Variants in STX8 observed in about 807,000 individuals in gnomAD.
STX8 encodes syntaxin 8.
In STX8, 23 loss-of-function variants were observed where a neutral mutation model predicts 37.5. The ratio of observed to expected loss-of-function variants is 0.61; its 90% CI spans 0.44 to 0.87. The LOEUF (loss-of-function observed/expected upper bound fraction) is 0.87, where lower values mean the gene tolerates loss of function less well. Among genes scored for constraint, STX8 ranks in the 40% least tolerant of loss-of-function variants. The probability of loss-of-function intolerance (pLI) is 0.00; values close to 1 mark genes in which losing one functional copy is unlikely to be tolerated. For missense variants in STX8, 313 were observed against 284.7 expected, an observed-to-expected ratio of 1.10 and a Z score of -0.71; for synonymous variants, 115 against 99.1, an observed-to-expected ratio of 1.16 and a Z score of -0.95.
chr17:9,263,641 A>AT (rs1907126370), intron 7 of STX8, among the ~76,000 whole-genome samples: 1 of 152,180 alleles, frequency 6.6e-6, no homozygotes, highest in African/African-American at 2.4e-5. Flanking sequence ...CTTTGAGGTT[A>AT]TTTCAAAATT....
chr17:9,550,863 T>C (rs910919073), intron 3 of STX8, among the ~76,000 whole-genome samples: 3 of 152,144 alleles, frequency 2.0e-5, no homozygotes, highest in African/African-American at 7.2e-5. Flanking sequence ...TCACCTGAGG[T>C]CAGGAGTTTG....
intron 7 of STX8, among the ~76,000 whole-genome samples, chr17:9,268,206 T>G (rs1170766169): frequency 6.6e-6 from 1 of 150,700 alleles, no homozygotes; most frequent in Non-Finnish European, 1.5e-5. Flanking sequence ...GGTCAACTGC[T>G]AACCTTTCAC....
At chr17:9,385,682 C>T (rs8072072) in intron 6 of STX8, among the ~76,000 whole-genome samples, 5,572 of 152,234 alleles carry the variant, frequency 0.037, 343 homozygotes, top group African/African-American at 0.13. Context: ...GAAAATATGG[C>T]ACAAAGGGCG....
At chr17:9,500,014 C>T (rs1597710685) in intron 5 of STX8, among the ~76,000 whole-genome samples, 1 of 152,306 alleles carries the variant, frequency 6.6e-6, no homozygotes. Flanking sequence ...TAAGGTGCTC[C>T]ATTCAGGAAA....
At chr17:9,292,458 A>G (rs1908347649) in intron 7 of STX8, among the ~76,000 whole-genome samples, 1 of 152,196 alleles carries the variant, frequency 6.6e-6, no homozygotes, top group South Asian at 2.1e-4. Flanking sequence ...ACAAAAATAG[A>G]ATCTGTTTAT....
intron 6 of STX8, among the ~76,000 whole-genome samples, chr17:9,450,388 T>C (rs1905002165): frequency 6.6e-6 from 1 of 151,740 alleles, no homozygotes; most frequent in South Asian, 2.1e-4. Context: ...ACATGTAAAT[T>C]TAACTAAATA....
intron 7 of STX8, among the ~76,000 whole-genome samples, chr17:9,349,693 A>G (rs1276718753): frequency 6.6e-6 from 1 of 152,116 alleles, no homozygotes; most frequent in Admixed American, 6.6e-5. Flanking sequence ...TAGAACAATT[A>G]TAACAATATA....
At position 9,562,408 on chromosome 17, in the gene STX8, G is replaced by GAA. The variant is rs112686979; in HGVS notation, c.118-4882_118-4881dup. 1.8e-4 allele frequency among the ~76,000 whole-genome samples: 22 copies of GAA among 125,686 alleles called. No individual in the cohort carries two copies. The East Asian group carries it at 2.2e-3, about 13-fold the overall frequency. 82.5% of individuals were successfully genotyped at this position (125,686 alleles called of 152,430 possible). A position where few individuals can be genotyped will look rare whatever the true frequency, so the allele number is the denominator to read the frequency against. On this transcript the variant is annotated intron_variant, in intron 2 of 7. Transcript: ENST00000306357. Reference sequence around the variant, plus strand: ...GCGACAGAGCGAGACTCCGTCTCAGGAAAAAAAAAAAAAAACTTTCACACG... The same window carrying GAA: ...GCGACAGAGCGAGACTCCGTCTCAGGAAAAAAAAAAAAAAAAACTTTCACACG...
intron 6 of STX8, among the ~76,000 whole-genome samples, chr17:9,480,511 A>G (rs1906283472): frequency 6.6e-6 from 1 of 152,220 alleles, no homozygotes; most frequent in African/African-American, 2.4e-5. Context: ...TTTGCACATC[A>G]ACTTCCGGGA....
At chr17:9,559,739 T>TATATATATATAC (rs200748111) in intron 2 of STX8, among the ~76,000 whole-genome samples, 237 of 13,470 alleles carry the variant, frequency 0.018, 32 homozygotes, top group East Asian at 0.076. Flanking sequence ...TTATTTTATA[T>TATATATATATAC]ATATATATAT....
chr17:9,256,678 G>C (rs1329443016), intron 7 of STX8, among the ~76,000 whole-genome samples: 1 of 152,194 alleles, frequency 6.6e-6, no homozygotes, highest in Non-Finnish European at 1.5e-5. Context: ...CATAACCACA[G>C]AGGGTCTGAC....
chr17:9,350,052 G>A (rs1023981562), intron 7 of STX8, among the ~76,000 whole-genome samples: 1 of 152,186 alleles, frequency 6.6e-6, no homozygotes, highest in Non-Finnish European at 1.5e-5. Context: ...GTGACACTGC[G>A]TTAGGCTACT....
At position 9,549,546 on chromosome 17, in the gene STX8, C is replaced by T. The variant is rs192927634; in HGVS notation, c.213-4264G>A. Among the ~76,000 whole-genome samples the T allele has an allele frequency of 1.9e-3, 289 of 152,316 alleles. 1 individual carries two copies. Among genetic ancestry groups the T allele is most frequent in the Non-Finnish European group, 3.3e-3 (227 of 68,032 alleles). ...ACCAAACATTCTGCAGACTTCTCCA[C>T]CTTGAGATGCTGACTTAACTTTGCC... On this transcript the variant is annotated intron_variant, in intron 3 of 7. Coordinates refer to ENST00000306357, the MANE Select transcript of STX8 (RefSeq NM_004853.3).
At chr17:9,470,795 C>T (rs1284969673) in intron 6 of STX8, among the ~76,000 whole-genome samples, 3 of 151,646 alleles carry the variant, frequency 2.0e-5, no homozygotes, top group African/African-American at 4.8e-5. Context: ...GGCACAATCT[C>T]GGCTCACTGC....
chr17:9,376,181 G>A (rs1177220352), intron 7 of STX8, among the ~76,000 whole-genome samples: 1 of 152,164 alleles, frequency 6.6e-6, no homozygotes, highest in African/African-American at 2.4e-5. Flanking sequence ...CTCACTAAAG[G>A]ATTATAAACA....
At chr17:9,376,112 T>C (rs1001544660) in intron 7 of STX8, among the ~76,000 whole-genome samples, 2 of 152,162 alleles carry the variant, frequency 1.3e-5, no homozygotes, top group African/African-American at 2.4e-5. Flanking sequence ...TGAACTCATA[T>C]TGAGAGGTGA....
intron 6 of STX8, among the ~76,000 whole-genome samples, chr17:9,478,648 G>A (rs1455179982): frequency 6.6e-6 from 1 of 152,140 alleles, no homozygotes; most frequent in Non-Finnish European, 1.5e-5. Context: ...TTTTCACACT[G>A]TGAAGCCCTC....
At chr17:9,401,733 G>C (rs936117531) in intron 6 of STX8, among the ~76,000 whole-genome samples, 3 of 152,156 alleles carry the variant, frequency 2.0e-5, no homozygotes, top group African/African-American at 4.8e-5. Context: ...ACGAAGCCCA[G>C]ATAGTTGGGT....
Position 9,300,932 on chromosome 17 carries a change from A to G in STX8, c.644-50287T>C, listed in dbSNP as rs187514830. On this transcript the variant is annotated intron_variant, in intron 7 of 7. Transcript: ENST00000306357. ...ACTGCAAACTCCACCTCCCGGGTTC[A>G]CACCATTCTCCTGCCTCAGCCTCCT... Among the ~76,000 whole-genome samples, 629 of 143,876 alleles carry G rather than the reference A, an allele frequency of 4.4e-3. 6 individuals carry two copies. Among genetic ancestry groups the G allele is most frequent in the African/African-American group, 0.015 (591 of 38,524 alleles). The allele number at this position is 143,876 out of a possible 152,430, so 94.4% of individuals were successfully genotyped here. A position where few individuals can be genotyped will look rare whatever the true frequency, so the allele number is the denominator to read the frequency against.
Sources: gnomAD v4.1 joint callset for allele counts (sites outside exome capture counted in the v4.1 genomes callset) on GRCh38, gnomAD v4.1.1 for gene constraint, MANE v1.5 for transcripts, NCBI Gene and HGNC (gene_info 2026-07-23, HGNC 2026-07-21) for gene names.